Variants in NXPH3 observed in about 807,000 individuals in gnomAD.
NXPH3 encodes neurexophilin-3.
NXPH3 carries 7 observed loss-of-function variants against 18.8 expected under a neutral mutation model. The ratio of observed to expected loss-of-function variants is 0.37; its 90% CI spans 0.21 to 0.70. The LOEUF is 0.70. NXPH3 is among the 30% of genes least tolerant of loss of function. The pLI is 0.53. For synonymous variants in NXPH3, 101 were observed against 137.3 expected, an observed-to-expected ratio of 0.74 and a Z score of 1.85; for missense variants, 282 against 338.1, an observed-to-expected ratio of 0.83 and a Z score of 1.30.
At position 49,578,678 on chromosome 17, in the gene NXPH3, T is replaced by A; in HGVS notation, c.137T>A (p.Val46Glu). 1 of 1,612,364 alleles carries A rather than the reference T, an allele frequency of 6.2e-7. No homozygotes were observed. Among genetic ancestry groups the A allele is most frequent in the Non-Finnish European group, 8.5e-7 (1 of 1,179,598 alleles). Residue 46 changes from valine (V) to glutamate (E), a missense_variant, in exon 2 of 2, where the codon GTG becomes GAG. Coordinates refer to ENST00000328741, the MANE Select transcript of NXPH3 (RefSeq NM_007225.4). The surrounding 1 kb of genome is among the most constrained non-coding windows in gnomAD (Gnocchi z 4.5). ...CACGAGGGCCAGCCCCGGCCCCGGGTGCCTCGGAAGCGGGGCCACATCTCA... is the reference window on the plus strand; with the variant it reads ...CACGAGGGCCAGCCCCGGCCCCGGGAGCCTCGGAAGCGGGGCCACATCTCA... Reference protein sequence around the residue: ...DDHEGQPRPRVPRKRGHISPK... With the variant: ...DDHEGQPRPREPRKRGHISPK...
chr17:49,576,874 A>T (rs2071574151), intron 1 of NXPH3, among the ~76,000 whole-genome samples: 1 of 151,324 alleles, frequency 6.6e-6, no homozygotes, highest in African/African-American at 2.4e-5. Context: ...CGGAGCGCCC[A>T]GAGCCCGCTC....
Position 49,579,355 on chromosome 17 carries a change from C to T in NXPH3, c.*55C>T. ...GGCTGGAAGGACAGGCCTGCCCATG[C>T]AGGAGACCATCTGGACACCGGGCAG... On this transcript the variant is annotated 3_prime_UTR_variant, in exon 2 of 2. Transcript: ENST00000328741. The surrounding 1 kb of genome is among the most constrained non-coding windows in gnomAD (Gnocchi z 6.0). 1.4e-6 allele frequency: 2 copies of T among 1,455,630 alleles called. No homozygotes were observed. Among genetic ancestry groups the T allele is most frequent in the Non-Finnish European group, 1.9e-6 (2 of 1,070,192 alleles). The allele number at this position is 1,455,630 out of a possible 1,614,324, so 90.2% of individuals were successfully genotyped here.
chr17:49,578,524 G>A lies in NXPH3; in HGVS notation c.55-72G>A, dbSNP rs2071582187. 1 of 1,216,000 alleles carries A rather than the reference G, an allele frequency of 8.2e-7. No homozygotes were observed. The highest frequency in any genetic ancestry group is 1.1e-6 in the Non-Finnish European group (1 of 871,860). The allele number at this position is 1,216,000 out of a possible 1,614,324, so 75.3% of individuals were successfully genotyped here. On this transcript the variant is annotated intron_variant, in intron 1 of 1. Transcript: ENST00000328741. The surrounding 1 kb of genome is among the most constrained non-coding windows in gnomAD (Gnocchi z 4.5). ...GTCAGAGTGAAGTGGCAGGGACAGG[G>A]GTACTGCTGGTAGCGGGGGTGGTGG... is the stretch of plus-strand genomic sequence containing the variant.
rs187598399 is a variant in NXPH3 at position 49,576,014 on chromosome 17, G to T, written c.-206G>T. On this transcript the variant is annotated 5_prime_UTR_variant, in exon 1 of 2. Transcript: ENST00000328741. ...ACCTCGAGCGGGGGCCGTGCCGCGC[G>T]CAGCTGGACCAGGGGAGGGGGGCGG... The T allele has an allele frequency of 2.9e-3, 1,554 of 545,094 alleles. 9 individuals are homozygous for T. The highest frequency in any genetic ancestry group is 0.027 in the African/African-American group (1,308 of 49,048). The allele number at this position is 545,094 out of a possible 1,614,324, so 33.8% of individuals were successfully genotyped here. A position where few individuals can be genotyped will look rare whatever the true frequency, so the allele number is the denominator to read the frequency against.
chr17:49,576,620 G>A (rs2071572508), intron 1 of NXPH3, among the ~76,000 whole-genome samples: 1 of 152,032 alleles, frequency 6.6e-6, no homozygotes, highest in South Asian at 2.1e-4. Context: ...CGCGGGTCGT[G>A]GAGCTGGTGA....
At chr17:49,577,936 C>T (rs1475997643) in intron 1 of NXPH3, 1 of 152,262 alleles carries the variant, frequency 6.6e-6, no homozygotes, top group Non-Finnish European at 1.5e-5. Context: ...CTGTGTTCTG[C>T]TTTCTTATTC....
chr17:49,579,234 G>T lies in NXPH3; in HGVS notation c.693G>T (p.Arg231=). 6.2e-7 allele frequency: 1 copy of T among 1,604,240 alleles called. No homozygotes were observed. The highest frequency in any genetic ancestry group is 8.5e-7 in the Non-Finnish European group (1 of 1,179,994). Residue 231 remains arginine, a synonymous_variant, in exon 2 of 2, where the codon CGG becomes CGT. Coordinates refer to ENST00000328741, the MANE Select transcript of NXPH3 (RefSeq NM_007225.4). The surrounding 1 kb of genome is among the most constrained non-coding windows in gnomAD (Gnocchi z 6.0). ...TCGCCTTCTACAGCACGGACTATCGGCTGGTCCAGAAGGTGTGCCCAGATT... is the reference window on the plus strand; with the variant it reads ...TCGCCTTCTACAGCACGGACTATCGTCTGGTCCAGAAGGTGTGCCCAGATT... The part of the protein sequence containing the change: ...VYIAFYSTDY[R]LVQKVCPDYN...
rs1334263895 is a variant in NXPH3, at chr17:49,583,112, G to C, written c.*3812G>C. 2.0e-5 allele frequency: 3 copies of C among 152,668 alleles called. No individual in the cohort carries two copies. The highest frequency in any genetic ancestry group is 7.2e-5 in the African/African-American group (3 of 41,560). The allele number at this position is 152,668 out of a possible 1,614,324, so 9.5% of individuals were successfully genotyped here. On this transcript the variant is annotated 3_prime_UTR_variant, in exon 2 of 2. Coordinates refer to ENST00000328741, the MANE Select transcript of NXPH3 (RefSeq NM_007225.4). Reference sequence around the variant, plus strand: ...TGGGGGAGTGTTTATGGGGACGGAGGCAGCTGAAGGGCAGGGAGGGGTGAC... The same window carrying C: ...TGGGGGAGTGTTTATGGGGACGGAGCCAGCTGAAGGGCAGGGAGGGGTGAC...
In NXPH3 at chr17:49,581,566, G is replaced by A; in HGVS notation, c.*2266G>A. On this transcript the variant is annotated 3_prime_UTR_variant, in exon 2 of 2. Coordinates refer to ENST00000328741, the MANE Select transcript of NXPH3 (RefSeq NM_007225.4). ...TTTCCCCCACATCATGCTTCCAGGGGCCGTCTCTCCTGAGTGGAGATGTGA... is the reference window on the plus strand; with the variant it reads ...TTTCCCCCACATCATGCTTCCAGGGACCGTCTCTCCTGAGTGGAGATGTGA... The A allele has an allele frequency of 2.9e-6, 2 of 685,774 alleles. No individual in the cohort carries two copies. The highest frequency in any genetic ancestry group is 5.3e-6 in the Non-Finnish European group (2 of 375,488). The allele number at this position is 685,774 out of a possible 1,614,324, so 42.5% of individuals were successfully genotyped here. A position where few individuals can be genotyped will look rare whatever the true frequency, so the allele number is the denominator to read the frequency against.
rs764532351 is a variant in NXPH3, at chr17:49,578,904, G to A, written c.363G>A (p.Lys121=). 1 of 1,614,182 alleles carries A rather than the reference G, an allele frequency of 6.2e-7. No homozygotes were observed. The highest frequency in any genetic ancestry group is 1.3e-5 in the African/African-American group (1 of 75,050). Residue 121 remains lysine, a synonymous_variant, in exon 2 of 2, where the codon AAG becomes AAA. Coordinates refer to ENST00000328741, the MANE Select transcript of NXPH3 (RefSeq NM_007225.4). The surrounding 1 kb of genome is among the most constrained non-coding windows in gnomAD (Gnocchi z 4.5). ...CCCTGAACCTGCTCGTCACAGGGAA[G>A]ATTGTGGACCATGGCAATGGGACCT... ...TVALNLLVTG[K]IVDHGNGTFS... is the part of the protein sequence containing the mutation.
rs775763332 is a variant in NXPH3, at chr17:49,579,026, A to T, written c.485A>T (p.Gln162Leu). Residue 162 changes from glutamine to leucine, a missense_variant, in exon 2 of 2, where the codon CAG becomes CTG. By Grantham distance (113) the Gln-to-Leu change is moderately radical. Coordinates refer to ENST00000328741, the MANE Select transcript of NXPH3 (RefSeq NM_007225.4). This position sits in a 1 kb window ranked among gnomAD's most constrained non-coding sequence, Gnocchi z 6.0. ...SKAVEFHQEQ[Q>L]IFIEAKASKI... The stretch of plus-strand genomic sequence containing the variant: ...GCTGTAGAGTTCCACCAGGAACAGC[A>T]GATCTTCATCGAAGCCAAGGCCTCC... 1 of 1,614,188 alleles carries T rather than the reference A, an allele frequency of 6.2e-7. No individual in the cohort carries two copies. The highest frequency in any genetic ancestry group is 1.3e-5 in the African/African-American group (1 of 75,054).
chr17:49,578,740 G>T lies in NXPH3; in HGVS notation c.199G>T (p.Gly67Trp), dbSNP rs1045225496. ...CCCCATGGCCAATTCCACTCTCCTA[G>T]GGCTGCTGGCCCCGCCTGGGGAGGC... ...SRPMANSTLL[G>W]LLAPPGEAWG... Residue 67 changes from glycine (G) to tryptophan (W), a missense_variant, in exon 2 of 2, where the codon GGG (glycine) becomes TGG (tryptophan). Physicochemically the swap from Gly to Trp is radical, Grantham distance 184 (BLOSUM62 -2). Coordinates refer to ENST00000328741, the MANE Select transcript of NXPH3 (RefSeq NM_007225.4). The surrounding 1 kb of genome is among the most constrained non-coding windows in gnomAD (Gnocchi z 4.5). 1.9e-6 allele frequency: 3 copies of T among 1,613,444 alleles called. No individual in the cohort carries two copies. Among genetic ancestry groups the T allele is most frequent in the Non-Finnish European group, 2.5e-6 (3 of 1,179,984 alleles).
rs1478619153 is a variant in NXPH3, at chr17:49,575,914, G to T, written c.-306G>T. On this transcript the variant is annotated 5_prime_UTR_variant, in exon 1 of 2. Coordinates refer to ENST00000328741, the MANE Select transcript of NXPH3 (RefSeq NM_007225.4). This position sits in a 1 kb window ranked among gnomAD's most constrained non-coding sequence, Gnocchi z 4.3. ...CGGCGCCGCTGGAGCCGAGGGGGGC[G>T]CCGAGCGCAGATCTGGAGCAGCAGA... 3.0e-6 allele frequency: 1 copy of T among 333,058 alleles called. No homozygotes were observed. The highest frequency in any genetic ancestry group is 5.4e-6 in the Non-Finnish European group (1 of 185,226). 20.6% of individuals were successfully genotyped at this position (333,058 alleles called of 1,614,324 possible).
Position 49,579,375 on chromosome 17 carries a change from G to T in NXPH3, c.*75G>T. 1 of 1,302,902 alleles carries T rather than the reference G, an allele frequency of 7.7e-7. No individual in the cohort carries two copies. Among genetic ancestry groups the T allele is most frequent in the Non-Finnish European group, 1.1e-6 (1 of 944,824 alleles). The allele number at this position is 1,302,902 out of a possible 1,614,324, so 80.7% of individuals were successfully genotyped here. ...CCATGCAGGAGACCATCTGGACACC[G>T]GGCAGGGAAGGGGTTGGGCCTCAGG... On this transcript the variant is annotated 3_prime_UTR_variant, in exon 2 of 2. Coordinates refer to ENST00000328741, the MANE Select transcript of NXPH3 (RefSeq NM_007225.4). This position sits in a 1 kb window ranked among gnomAD's most constrained non-coding sequence, Gnocchi z 6.0.
At position 49,576,285 on chromosome 17, in the gene NXPH3, G is replaced by A. The variant is rs374403884; in HGVS notation, c.54+12G>A. 191 of 1,563,082 alleles carry A rather than the reference G, an allele frequency of 1.2e-4. No homozygotes were observed. Among genetic ancestry groups the A allele is most frequent in the Non-Finnish European group, 1.6e-4 (183 of 1,154,264 alleles). ...GTAGCCTCTATCTGGTGAGTGGTCC[G>A]AGGGGAGCTGCGCAGAGGGGCGGGG... On this transcript the variant is annotated intron_variant, in intron 1 of 1. Transcript: ENST00000328741.
rs1460171052 is a variant in NXPH3, at chr17:49,578,786, C to T, written c.245C>T (p.Pro82Leu). The T allele has an allele frequency of 5.6e-6, 9 of 1,613,668 alleles. No individual in the cohort carries two copies. Among genetic ancestry groups the T allele is most frequent in the African/African-American group, 1.3e-5 (1 of 74,918 alleles). The part of the protein sequence containing the change: ...PGEAWGILGQ[P>L]PNRPNHSPPP... The stretch of plus-strand genomic sequence containing the variant: ...GAGGCTTGGGGCATTCTTGGGCAGC[C>T]CCCCAACCGCCCGAACCACAGCCCC... Residue 82 changes from proline to leucine, a missense_variant, in exon 2 of 2, where the codon CCC (proline) becomes CTC (leucine). By Grantham distance (98) the Pro-to-Leu change is moderately conservative (BLOSUM62 -3). Coordinates refer to ENST00000328741, the MANE Select transcript of NXPH3 (RefSeq NM_007225.4). The surrounding 1 kb of genome is among the most constrained non-coding windows in gnomAD (Gnocchi z 4.5).
chr17:49,577,052 G>A (rs1309305418), intron 1 of NXPH3, among the ~76,000 whole-genome samples: 1 of 152,040 alleles, frequency 6.6e-6, no homozygotes, highest in African/African-American at 2.4e-5. Flanking sequence ...TAATCAACAA[G>A]CCCCTTGCCA....
In NXPH3 at chr17:49,576,137, G is replaced by T; in HGVS notation, c.-83G>T. The T allele has an allele frequency of 6.6e-7, 1 of 1,514,140 alleles. No homozygotes were observed. 93.8% of individuals were successfully genotyped at this position (1,514,140 alleles called of 1,614,324 possible). A position where few individuals can be genotyped will look rare whatever the true frequency, so the allele number is the denominator to read the frequency against. On this transcript the variant is annotated 5_prime_UTR_variant, in exon 1 of 2. Coordinates refer to ENST00000328741, the MANE Select transcript of NXPH3 (RefSeq NM_007225.4). Reference sequence around the variant, plus strand: ...CGGGGACTGGAGCATGGGACGGCGCGCCTGAAGGAGCAGGAAGGGGAAGGA... The same window carrying T: ...CGGGGACTGGAGCATGGGACGGCGCTCCTGAAGGAGCAGGAAGGGGAAGGA...
In NXPH3 at chr17:49,576,120, G is replaced by A; in HGVS notation, c.-100G>A. On this transcript the variant is annotated 5_prime_UTR_variant, in exon 1 of 2. Coordinates refer to ENST00000328741, the MANE Select transcript of NXPH3 (RefSeq NM_007225.4). ...GGAGGGCCGCGGGCCGCCGGGGACT[G>A]GAGCATGGGACGGCGCGCCTGAAGG... The A allele has an allele frequency of 2.1e-6, 3 of 1,451,544 alleles. No individual in the cohort carries two copies. The highest frequency in any genetic ancestry group is 5.0e-5 in the East Asian group (2 of 40,366). The allele number at this position is 1,451,544 out of a possible 1,614,324, so 89.9% of individuals were successfully genotyped here. A position where few individuals can be genotyped will look rare whatever the true frequency, so the allele number is the denominator to read the frequency against.
Sources: allele counts gnomAD v4.1 joint callset (sites outside exome capture counted in the v4.1 genomes callset), GRCh38; gene constraint gnomAD v4.1.1; non-coding constraint Gnocchi (gnomAD v3.1); transcripts MANE v1.5; gene names NCBI Gene and HGNC (gene_info 2026-07-23, HGNC 2026-07-21).